The following PTS variants were observed in gnomAD, a reference collection of about 807,000 sequenced individuals.
The protein encoded by PTS is 6-pyruvoyltetrahydropterin synthase, also known as 6-pyruvoyl tetrahydrobiopterin synthase.
A neutral mutation model predicts 20.6 loss-of-function variants in PTS; 23 were observed. The observed-to-expected ratio is 1.12, with a 90% confidence interval of 0.80 to 1.58. PTS has a LOEUF of 1.58. Among genes scored for constraint, PTS ranks in the 40% most tolerant of loss-of-function variants. PTS has a pLI of 0.00. For missense variants in PTS, 186 were observed against 182.4 expected (o/e 1.02, Z -0.11); for synonymous variants, 65 against 62.5 (o/e 1.04, Z -0.19).
Position 112,226,488 on chromosome 11 carries a change from C to T in PTS, c.45C>T (p.Ser15=), listed in dbSNP as rs756084052. 1.3e-6 allele frequency: 2 copies of T among 1,586,454 alleles called. No homozygotes were observed. Among genetic ancestry groups the T allele is most frequent in the East Asian group, 4.6e-5 (2 of 43,900 alleles). ...GCCGTCGCTGCCAGGCACAAGTGTC[C>T]CGCCGCATCTCCTTCAGCGCGAGCC... ...GGGRRCQAQV[S]RRISFSASHR... Residue 15 remains serine, a synonymous_variant, in exon 1 of 6, where the codon TCC becomes TCT. Transcript: ENST00000280362.
At chr11:112,231,092 A>G (rs1456257644) in intron 4 of PTS, among the ~76,000 whole-genome samples, 7 of 147,174 alleles carry the variant, frequency 4.8e-5, no homozygotes, top group African/African-American at 1.8e-4. Flanking sequence ...GGGTCTCACT[A>G]TGTTGTTCAG....
At position 112,230,219 on chromosome 11, in the gene PTS, G is replaced by T; in HGVS notation, c.175G>T (p.Val59Leu). The T allele has an allele frequency of 6.2e-7, 1 of 1,613,648 alleles. No individual in the cohort carries two copies. ...HGHNYKVVVTVHGEIDPATGM... is the reference protein window; with the variant it reads ...HGHNYKVVVTLHGEIDPATGM... The stretch of plus-strand genomic sequence containing the variant: ...TTTTCTTTCCATAGTTGTGGTGACA[G>T]TACATGGAGAGGTATGTGCAGAAAA... Residue 59 changes from valine to leucine, a missense_variant, in exon 3 of 6, where the codon GTA becomes TTA. By Grantham distance (32) the Val-to-Leu change is conservative (BLOSUM62 1). Transcript: ENST00000280362.
intron 1 of PTS, 34 bp downstream of exon 1, chr11:112,226,560 T>TGGGCGCC: frequency 6.7e-7 from 1 of 1,494,944 alleles, no homozygotes; most frequent in South Asian, 1.3e-5. Flanking sequence ...CGGCGGGCGG[T>TGGGCGCC]GGGCGCCGGG....
rs748830575 is a variant in PTS at position 112,233,146 on chromosome 11, C to T, written c.244-17C>T. ...GTAAATGGAGTCAATGATATTTTCC[C>T]TTGGTTTTGTCTCTAGGAGGCGATT... On this transcript the variant is annotated splice_polypyrimidine_tract_variant and intron_variant, in intron 4 of 5. Transcript: ENST00000280362. The T allele has an allele frequency of 5.0e-6, 8 of 1,608,110 alleles. No homozygotes were observed. The Admixed American group carries it at 1.3e-4, about 27-fold the overall frequency.
chr11:112,226,504 A>T lies in PTS; in HGVS notation c.61A>T (p.Ser21Cys), dbSNP rs1424327731. Residue 21 changes from serine (S) to cysteine (C), a missense_variant, in exon 1 of 6, where the codon AGC becomes TGC. Ser to Cys is a moderately radical substitution (Grantham distance 112, BLOSUM62 -1). Transcript: ENST00000280362. ...QAQVSRRISFSASHRLYSKFL... is the reference protein window; with the variant it reads ...QAQVSRRISFCASHRLYSKFL... ...ACAAGTGTCCCGCCGCATCTCCTTC[A>T]GCGCGAGCCACCGATTGTACAGGTA... 1 of 1,585,086 alleles carries T rather than the reference A, an allele frequency of 6.3e-7. No homozygotes were observed.
At chr11:112,228,242 G>A (rs1859890106) in intron 1 of PTS, 1 of 261,836 alleles carries the variant, frequency 3.8e-6, no homozygotes, top group Non-Finnish European at 7.3e-6. Context: ...ATCATTATAT[G>A]CTGTTATTTC....
At chr11:112,230,142 T>G in intron 2 of PTS, 66 bp from the exon 3 acceptor site, 1 of 1,475,532 alleles carries the variant, frequency 6.8e-7, no homozygotes, top group Non-Finnish European at 9.5e-7. Flanking sequence ...TGTTGCTAAC[T>G]TGTGCTTGGA....
rs754233241 is a variant in PTS, at chr11:112,226,434, C to A, written c.-10C>A. Reference sequence around the variant, plus strand: ...GGTGCCGGCCGAGCACCGCAGACAGCGCCGGGAAGATGAGCACGGAAGGTG... The same window carrying A: ...GGTGCCGGCCGAGCACCGCAGACAGAGCCGGGAAGATGAGCACGGAAGGTG... On this transcript the variant is annotated 5_prime_UTR_variant, in exon 1 of 6. Transcript: ENST00000280362. The A allele has an allele frequency of 1.3e-6, 2 of 1,573,612 alleles. No homozygotes were observed. The highest frequency in any genetic ancestry group is 2.7e-5 in the African/African-American group (2 of 74,568).
intron 1 of PTS, 69 bp downstream of exon 1, chr11:112,226,595 C>T (rs1254350913): frequency 1.4e-6 from 2 of 1,391,956 alleles, no homozygotes; most frequent in East Asian, 3.1e-5. Flanking sequence ...CGGGGCGGGG[C>T]CGGCGGGCGT....
At chr11:112,232,337 C>G in intron 4 of PTS, among the ~76,000 whole-genome samples, 1 of 152,074 alleles carries the variant, frequency 6.6e-6, no homozygotes, top group Admixed American at 6.5e-5. Context: ...CAAGGATGCC[C>G]GTTTTCTTGT....
At chr11:112,228,167 A>T (rs1486065139) in intron 1 of PTS, 1 of 173,104 alleles carries the variant, frequency 5.8e-6, no homozygotes, top group African/African-American at 2.4e-5. Flanking sequence ...TTTTTTCTGG[A>T]TGAGTAGTTT....
intron 3 of PTS, 106 bp from the exon 4 acceptor site, chr11:112,230,520 G>A (rs1592880408): frequency 1.9e-6 from 2 of 1,045,738 alleles, no homozygotes; most frequent in East Asian, 2.4e-5. Context: ...AGGCAAATGT[G>A]CAAATGTGGG....
intron 1 of PTS, among the ~76,000 whole-genome samples, chr11:112,227,451 T>C (rs1592878651): frequency 6.6e-6 from 1 of 152,132 alleles, no homozygotes; most frequent in African/African-American, 2.4e-5. Flanking sequence ...AGTGGGGGTG[T>C]GTTATTCCAT....
chr11:112,227,097 C>G (rs540232315), intron 1 of PTS, among the ~76,000 whole-genome samples: 22 of 151,726 alleles, frequency 1.4e-4, no homozygotes, highest in African/African-American at 5.1e-4. Flanking sequence ...GTTCAGTTTC[C>G]GAAGCAGCAT....
intron 1 of PTS, 27 bp from the exon 2 acceptor site, chr11:112,228,561 GTCATGC>G: frequency 5.2e-6 from 8 of 1,530,416 alleles, no homozygotes; most frequent in Non-Finnish European, 7.2e-6. Flanking sequence ...TGATACTTGT[GTCATGC>G]TGACTTTTTT....
intron 4 of PTS, among the ~76,000 whole-genome samples, chr11:112,232,793 T>A (rs1407914950): frequency 1.3e-5 from 2 of 152,230 alleles, no homozygotes; most frequent in Non-Finnish European, 2.9e-5. Flanking sequence ...TGTGGCATTG[T>A]TCCGTAGGTG....
intron 3 of PTS, 25 bp downstream of exon 3, chr11:112,230,255 G>T (rs1312204218): frequency 1.2e-6 from 2 of 1,610,644 alleles, no homozygotes; most frequent in East Asian, 2.2e-5. Context: ...TATTTGTGTG[G>T]TTTTTGCAGA....
At chr11:112,228,539 G>T in intron 1 of PTS, 55 bp from the exon 2 acceptor site, 1 of 1,401,718 alleles carries the variant, frequency 7.1e-7, no homozygotes, top group South Asian at 1.2e-5. Flanking sequence ...AACAGAGAAG[G>T]GGGTTTGAAT....
intron 1 of PTS, among the ~76,000 whole-genome samples, chr11:112,227,619 A>C (rs988486165): frequency 6.6e-6 from 1 of 152,162 alleles, no homozygotes; most frequent in African/African-American, 2.4e-5. Flanking sequence ...GCGAGCAAGC[A>C]GGCAACTCAC....
Sources: allele counts gnomAD v4.1 joint callset (sites outside exome capture counted in the v4.1 genomes callset), GRCh38; gene constraint gnomAD v4.1.1; transcripts MANE v1.5; gene names NCBI Gene and HGNC (gene_info 2026-07-23, HGNC 2026-07-21).